The following MCHR2 variants were observed in gnomAD, a reference collection of about 807,000 sequenced individuals.
MCHR2 encodes the protein melanin-concentrating hormone receptor 2.
In MCHR2, 15 loss-of-function variants were observed where a neutral mutation model predicts 24.8. The observed-to-expected ratio is 0.60, with a 90% CI of 0.40 to 0.93. MCHR2 has a LOEUF of 0.93. Ranked by LOEUF, MCHR2 falls within the 40% of genes least tolerant of loss-of-function variation. The probability of loss-of-function intolerance (pLI) is 0.00; values close to 1 mark genes in which losing one functional copy is unlikely to be tolerated. For synonymous variants in MCHR2, 151 were observed against 147.6 expected (o/e 1.02, Z -0.17); for missense variants, 386 against 408.7 (o/e 0.94, Z 0.48).
At chr6:99,962,246 A>T (rs1426953121) in intron 1 of MCHR2, among the ~76,000 whole-genome samples, 1 of 152,286 alleles carries the variant, frequency 6.6e-6, no homozygotes, top group Middle Eastern at 3.4e-3. Flanking sequence ...TGCAGCGAGG[A>T]TATGGTAGAT....
chr6:99,941,581 G>A (rs899317247), intron 4 of MCHR2, among the ~76,000 whole-genome samples: 4 of 152,112 alleles, frequency 2.6e-5, no homozygotes, highest in Non-Finnish European at 4.4e-5. Flanking sequence ...GCGCCTTCAT[G>A]AATGGGAATA....
intron 4 of MCHR2, 71 bp from the exon 5 acceptor site, chr6:99,934,588 C>G: frequency 1.5e-6 from 2 of 1,341,818 alleles, no homozygotes; most frequent in Non-Finnish European, 2.0e-6. Context: ...TAGGAATTGG[C>G]TTTTGCAGTT....
rs1199581522 is a variant in MCHR2 at position 99,919,738 on chromosome 6, T to TG, written c.*1201_*1202insC. ...GTTTTTTTTTTTGTTTGTTTTGTTTTTTTTTTTGAGATGACGTCTCACTCT... is the reference window on the plus strand; with the variant it reads ...GTTTTTTTTTTTGTTTGTTTTGTTTTGTTTTTTTGAGATGACGTCTCACTCT... On this transcript the variant is annotated 3_prime_UTR_variant, in exon 6 of 6. Coordinates refer to ENST00000281806, the MANE Select transcript of MCHR2 (RefSeq NM_001040179.2). Among the ~76,000 whole-genome samples, 1 of 151,472 alleles carries TG rather than the reference T, an allele frequency of 6.6e-6. No individual in the cohort carries two copies.
chr6:99,940,252 A>G (rs539657661), intron 4 of MCHR2, among the ~76,000 whole-genome samples: 1 of 151,882 alleles, frequency 6.6e-6, no homozygotes, highest in Admixed American at 6.6e-5. Context: ...AATTTTTTCT[A>G]TATCTTGTAT....
chr6:99,923,960 A>G (rs1438129892), intron 5 of MCHR2, among the ~76,000 whole-genome samples: 2 of 152,122 alleles, frequency 1.3e-5, no homozygotes, highest in Admixed American at 6.5e-5. Context: ...CTGCTCTTCC[A>G]CATTTCAGAA....
chr6:99,925,428 T>C (rs1462125418), intron 5 of MCHR2, among the ~76,000 whole-genome samples: 1 of 152,152 alleles, frequency 6.6e-6, no homozygotes, highest in Non-Finnish European at 1.5e-5. Flanking sequence ...GACTTACTCC[T>C]GCCATTTTAA....
chr6:99,986,267 T>A (rs1010148043), intron 1 of MCHR2, among the ~76,000 whole-genome samples: 4 of 152,156 alleles, frequency 2.6e-5, no homozygotes, highest in Non-Finnish European at 5.9e-5. Context: ...GTACGAAGAT[T>A]TCTCAAGGAA....
intron 4 of MCHR2, among the ~76,000 whole-genome samples, chr6:99,937,532 A>G (rs1774687095): frequency 6.6e-6 from 1 of 151,964 alleles, no homozygotes; most frequent in Non-Finnish European, 1.5e-5. Context: ...ATGGTGAACC[A>G]TCCTCACATT....
At chr6:99,985,329 C>T (rs1356823551) in intron 1 of MCHR2, among the ~76,000 whole-genome samples, 1 of 151,998 alleles carries the variant, frequency 6.6e-6, no homozygotes, top group Non-Finnish European at 1.5e-5. Flanking sequence ...AAAGGCAATG[C>T]TAACATTCAT....
intron 4 of MCHR2, among the ~76,000 whole-genome samples, 194 bp downstream of exon 4, chr6:99,942,755 C>A (rs1774795826): frequency 6.6e-6 from 1 of 152,012 alleles, no homozygotes; most frequent in East Asian, 1.9e-4. Flanking sequence ...AATTCAAAAT[C>A]TTTTTCTAAA....
At chr6:99,929,095 A>G (rs1367681053) in intron 5 of MCHR2, among the ~76,000 whole-genome samples, 1 of 151,792 alleles carries the variant, frequency 6.6e-6, no homozygotes, top group Non-Finnish European at 1.5e-5. Flanking sequence ...TTCGTTATAT[A>G]CCCAGTAGTC....
intron 1 of MCHR2, among the ~76,000 whole-genome samples, chr6:99,986,110 A>G (rs1482168960): frequency 6.6e-6 from 1 of 152,210 alleles, no homozygotes; most frequent in African/African-American, 2.4e-5. Context: ...AATGCAAATT[A>G]AAACCATAAT....
At chr6:99,992,608 A>C (rs1369421352) in intron 1 of MCHR2, among the ~76,000 whole-genome samples, 1 of 152,138 alleles carries the variant, frequency 6.6e-6, no homozygotes, top group Admixed American at 6.5e-5. Context: ...CGTTTAACTA[A>C]CTACATTAAT....
rs902197100 is a variant in MCHR2, at chr6:99,947,844, G to GC, written c.309dup (p.Pro104AlafsTer13). ...AGGGATGTGATGATGGTGCAGAGAG[G>GC]CCCCCCAAACACCCACTCTCCCCCT... On this transcript the variant is annotated frameshift_variant, in exon 3 of 6. Transcript: ENST00000281806. LOFTEE classifies it high-confidence loss of function. 6.2e-6 allele frequency: 10 copies of GC among 1,613,648 alleles called. No individual in the cohort carries two copies. The highest frequency in any genetic ancestry group is 7.6e-6 in the Non-Finnish European group (9 of 1,179,776).
At chr6:99,963,118 G>C (rs1233585395) in intron 1 of MCHR2, among the ~76,000 whole-genome samples, 1 of 148,288 alleles carries the variant, frequency 6.7e-6, no homozygotes, top group African/African-American at 2.5e-5. Flanking sequence ...TTAAAAAAAA[G>C]TGGCAAAACA....
intron 1 of MCHR2, among the ~76,000 whole-genome samples, chr6:99,959,451 CA>C (rs1257897637): frequency 6.6e-6 from 1 of 151,194 alleles, no homozygotes; most frequent in Non-Finnish European, 1.5e-5. Flanking sequence ...GTGTAGATAC[CA>C]ATGCAAAGTT....
At chr6:99,976,968 C>T (rs1053145920) in intron 1 of MCHR2, among the ~76,000 whole-genome samples, 13 of 152,296 alleles carry the variant, frequency 8.5e-5, no homozygotes, top group East Asian at 1.9e-4. Flanking sequence ...CTTAGGCGAA[C>T]GGAGGCCAGA....
intron 1 of MCHR2, among the ~76,000 whole-genome samples, chr6:99,973,509 CTT>C (rs1210922013): frequency 6.6e-6 from 1 of 152,130 alleles, no homozygotes; most frequent in East Asian, 1.9e-4. Flanking sequence ...GGTCTTGACT[CTT>C]TATCCAATTT....
intron 1 of MCHR2, among the ~76,000 whole-genome samples, chr6:99,957,220 GA>G (rs1775081796): frequency 6.6e-6 from 1 of 152,084 alleles, no homozygotes; most frequent in African/African-American, 2.4e-5. Flanking sequence ...AATCTTACAG[GA>G]GATACCCTCT....
Sources: allele counts gnomAD v4.1 joint callset (sites outside exome capture counted in the v4.1 genomes callset), GRCh38; gene constraint gnomAD v4.1.1; transcripts MANE v1.5; gene names NCBI Gene and HGNC (gene_info 2026-07-23, HGNC 2026-07-21).